The following GLUD1 variants were observed in gnomAD, a reference collection of about 807,000 sequenced individuals.
GLUD1 encodes the protein glutamate dehydrogenase 1.
Under a neutral mutation model 56.0 loss-of-function variants are expected in GLUD1, and 22 were observed. That is an observed-to-expected ratio of 0.39 (90% CI 0.28 to 0.56). GLUD1 has a LOEUF of 0.56. Among genes scored for constraint, GLUD1 ranks in the 20% least tolerant of loss-of-function variants. The pLI is 0.58. For synonymous variants in GLUD1, 223 were observed against 269.9 expected (o/e 0.83, Z 1.70); for missense variants, 451 against 732.0 (o/e 0.62, Z 4.43).
At chr10:87,082,816 A>G (rs1158912395) in intron 1 of GLUD1, among the ~76,000 whole-genome samples, 1 of 152,246 alleles carries the variant, frequency 6.6e-6, no homozygotes, top group Non-Finnish European at 1.5e-5. Context: ...ATCTCCAATA[A>G]GACACAATGT....
chr10:87,087,471 T>C (rs896295821), intron 1 of GLUD1, among the ~76,000 whole-genome samples: 29 of 152,324 alleles, frequency 1.9e-4, no homozygotes, highest in Middle Eastern at 3.4e-3. Flanking sequence ...AAATTTCTAA[T>C]TATGGCTTGG....
At chr10:87,076,077 T>C in intron 2 of GLUD1, 54 bp from the exon 3 acceptor site, 5 of 1,248,044 alleles carry the variant, frequency 4.0e-6, no homozygotes, top group Non-Finnish European at 5.8e-6. Flanking sequence ...AAAAGTAAAA[T>C]GACAGAAAGC....
At chr10:87,089,386 C>T (rs975257314) in intron 1 of GLUD1, among the ~76,000 whole-genome samples, 5 of 152,214 alleles carry the variant, frequency 3.3e-5, no homozygotes, top group African/African-American at 1.2e-4. Context: ...TTAGTAGCCA[C>T]ATTTGGAAAT....
chr10:87,090,400 T>C (rs1841483030), intron 1 of GLUD1, among the ~76,000 whole-genome samples: 1 of 152,146 alleles, frequency 6.6e-6, no homozygotes, highest in African/African-American at 2.4e-5. Flanking sequence ...GGATAATGAG[T>C]GAGCAGCTGT....
intron 2 of GLUD1, 75 bp from the exon 3 acceptor site, chr10:87,076,098 A>C: frequency 9.9e-7 from 1 of 1,006,164 alleles, no homozygotes; most frequent in Non-Finnish European, 1.6e-6. Flanking sequence ...ACCACACAAT[A>C]TTAGAGAAAC....
At chr10:87,059,491 A>AT (rs1564764588) in intron 9 of GLUD1, among the ~76,000 whole-genome samples, 3 of 151,494 alleles carry the variant, frequency 2.0e-5, no homozygotes, top group African/African-American at 7.3e-5. Context: ...AAAAAAAATC[A>AT]TTTTTTGGCT....
intron 6 of GLUD1, among the ~76,000 whole-genome samples, chr10:87,061,901 A>G (rs1293606874): frequency 6.6e-6 from 1 of 152,166 alleles, no homozygotes; most frequent in Non-Finnish European, 1.5e-5. Context: ...CTCCTGCGTC[A>G]GCCTCCAGAG....
chr10:87,055,348 T>C (rs1845742197), intron 11 of GLUD1, among the ~76,000 whole-genome samples: 3 of 151,960 alleles, frequency 2.0e-5, no homozygotes, highest in Admixed American at 1.3e-4. Context: ...AGTGGAAACA[T>C]GGCAGGGTCA....
chr10:87,074,425 C>T (rs1447772762), intron 4 of GLUD1, 126 bp downstream of exon 4: 5 of 694,194 alleles, frequency 7.2e-6, no homozygotes, highest in Non-Finnish European at 1.1e-5. Flanking sequence ...TGCTTGAACC[C>T]AGGAGGCGGA....
At chr10:87,057,457 ACGTG>A (rs1845811462) in intron 11 of GLUD1, among the ~76,000 whole-genome samples, 1 of 152,360 alleles carries the variant, frequency 6.6e-6, no homozygotes, top group African/African-American at 2.4e-5. Flanking sequence ...CTGTTAAAAC[ACGTG>A]CGTGAAAAAT....
chr10:87,093,831 G>A (rs1305950438), intron 1 of GLUD1: 8 of 961,260 alleles, frequency 8.3e-6, no homozygotes, highest in South Asian at 2.7e-5. Context: ...AAACTTAGAA[G>A]CCAAGTCATT....
At chr10:87,080,672 A>C (rs1841205658) in intron 1 of GLUD1, among the ~76,000 whole-genome samples, 1 of 132,752 alleles carries the variant, frequency 7.5e-6, no homozygotes, top group Admixed American at 7.6e-5. Context: ...CAGCCGCCCC[A>C]TCTGAGAAGG....
At chr10:87,062,137 C>T (rs1589360418) in intron 6 of GLUD1, among the ~76,000 whole-genome samples, 1 of 152,148 alleles carries the variant, frequency 6.6e-6, no homozygotes, top group Admixed American at 6.5e-5. Context: ...AGGCTGGTCT[C>T]GAACTCCTGG....
intron 4 of GLUD1, among the ~76,000 whole-genome samples, chr10:87,068,674 T>C (rs1164695292): frequency 1.3e-5 from 2 of 152,172 alleles, no homozygotes. Flanking sequence ...TTAAGCCCCA[T>C]ATTATTTTTA....
At chr10:87,063,520 T>C (rs1331452339) in intron 5 of GLUD1, among the ~76,000 whole-genome samples, 1 of 152,184 alleles carries the variant, frequency 6.6e-6, no homozygotes, top group Non-Finnish European at 1.5e-5. Context: ...TCAAGGTACA[T>C]ACACATCCCA....
chr10:87,067,391 A>G (rs1422857089), intron 5 of GLUD1, among the ~76,000 whole-genome samples: 13 of 152,140 alleles, frequency 8.5e-5, no homozygotes, highest in Non-Finnish European at 8.8e-5. Flanking sequence ...ACGCTTGGCT[A>G]ATTTTTGTAT....
intron 11 of GLUD1, 141 bp downstream of exon 11, chr10:87,057,550 G>T: frequency 4.3e-6 from 3 of 701,424 alleles, no homozygotes; most frequent in Non-Finnish European, 7.9e-6. Flanking sequence ...AAAAGGAAAG[G>T]TACAAAACAC....
At chr10:87,064,429 A>T (rs1444441871) in intron 5 of GLUD1, among the ~76,000 whole-genome samples, 1 of 152,220 alleles carries the variant, frequency 6.6e-6, no homozygotes, top group Admixed American at 6.5e-5. Context: ...ATAAAATGAA[A>T]ATTCATATAA....
In GLUD1 at chr10:87,094,712, C is replaced by A; in HGVS notation, c.58G>T (p.Gly20Cys). 1 of 1,508,060 alleles carries A rather than the reference C, an allele frequency of 6.6e-7. No individual in the cohort carries two copies. Among genetic ancestry groups the A allele is most frequent in the Admixed American group, 2.1e-5 (1 of 47,412 alleles). The allele number at this position is 1,508,060 out of a possible 1,614,324, so 93.4% of individuals were successfully genotyped here. A position where few individuals can be genotyped will look rare whatever the true frequency, so the allele number is the denominator to read the frequency against. ...GCGGCCGAGTCGGCGGACGCCGAGCCCAGGGCAGCGGGCCCGGCCCGGGAC... is the reference window on the plus strand; with the variant it reads ...GCGGCCGAGTCGGCGGACGCCGAGCACAGGGCAGCGGGCCCGGCCCGGGAC... ...LLSRAGPAAL[G>C]SASADSAALL... Residue 20 changes from glycine to cysteine, a missense_variant, in exon 1 of 13, where the codon GGC (glycine) becomes TGC (cysteine). This residue lies in a region of GLUD1 where 158 missense variants were observed against 189.7 expected (regional missense o/e 0.83). Transcript: ENST00000277865. The surrounding 1 kb of genome is among the most constrained non-coding windows in gnomAD (Gnocchi z 6.6).
Sources: allele counts gnomAD v4.1 joint callset (sites outside exome capture counted in the v4.1 genomes callset), GRCh38; gene constraint gnomAD v4.1.1; regional missense constraint gnomAD v4.1.1; non-coding constraint Gnocchi (gnomAD v3.1); transcripts MANE v1.5; gene names NCBI Gene and HGNC (gene_info 2026-07-23, HGNC 2026-07-21).